Variants in IL34 observed in about 807,000 individuals in gnomAD.
The protein encoded by IL34 is interleukin-34.
Under a neutral mutation model 25.3 loss-of-function variants are expected in IL34, and 17 were observed. That is an observed-to-expected ratio of 0.67 (90% CI 0.46 to 1.01). The LOEUF (loss-of-function observed/expected upper bound fraction) is 1.01. IL34 is among the 50% of genes least tolerant of loss of function. The probability of loss-of-function intolerance (pLI) is 0.00; values close to 1 mark genes in which losing one functional copy is unlikely to be tolerated. For synonymous variants in IL34, 174 were observed against 140.9 expected, an observed-to-expected ratio of 1.23 and a Z score of -1.66; for missense variants, 368 against 312.9, an observed-to-expected ratio of 1.18 and a Z score of -1.33.
intron 1 of IL34, among the ~76,000 whole-genome samples, chr16:70,614,929 G>A (rs1476167142): frequency 2.0e-5 from 3 of 152,176 alleles, no homozygotes; most frequent in African/African-American, 7.2e-5. Context: ...TTTGATTAGA[G>A]AATAAACTCA....
At chr16:70,583,956 G>A (rs1001286223) in intron 1 of IL34, among the ~76,000 whole-genome samples, 4 of 152,044 alleles carry the variant, frequency 2.6e-5, no homozygotes, top group Non-Finnish European at 5.9e-5. Context: ...CTGGCCCAGG[G>A]CAATTAGGCT....
upstream of IL34, among the ~76,000 whole-genome samples, chr16:70,643,798 T>C (rs1370627907): frequency 1.3e-5 from 2 of 149,804 alleles, no homozygotes; most frequent in Non-Finnish European, 2.9e-5. Flanking sequence ...ACGTGGATTC[T>C]ATATGAAATC....
At chr16:70,621,048 A>T (rs958070894) in intron 1 of IL34, among the ~76,000 whole-genome samples, 1 of 152,048 alleles carries the variant, frequency 6.6e-6, no homozygotes. Flanking sequence ...CAGAGATAAG[A>T]GTTTGGGTGT....
intron 1 of IL34, among the ~76,000 whole-genome samples, chr16:70,620,065 G>C (rs188021646): frequency 0.012 from 1,814 of 152,170 alleles, 43 homozygotes; most frequent in African/African-American, 0.041. Context: ...TTCTATTATT[G>C]TACACCTTGA....
At chr16:70,640,605 C>T (rs2051758175) in intron 1 of IL34, among the ~76,000 whole-genome samples, 1 of 138,158 alleles carries the variant, frequency 7.2e-6, no homozygotes, top group African/African-American at 2.9e-5. Context: ...GCCAGGGCGA[C>T]AGAGCAAGAC....
intron 1 of IL34, among the ~76,000 whole-genome samples, chr16:70,612,620 T>G (rs910421486): frequency 1.3e-5 from 2 of 152,244 alleles, no homozygotes; most frequent in Non-Finnish European, 2.9e-5. Flanking sequence ...AAAGTGCTTG[T>G]TAACCCACAT....
At chr16:70,654,271 C>T (rs1344473506) in intron 1 of IL34, 3 of 314,676 alleles carry the variant, frequency 9.5e-6, no homozygotes, top group Non-Finnish European at 1.8e-5. Flanking sequence ...GACCAGACGT[C>T]GACCCTGAGG....
intron 1 of IL34, among the ~76,000 whole-genome samples, chr16:70,624,202 C>T (rs151079690): frequency 0.015 from 2,216 of 152,024 alleles, 67 homozygotes; most frequent in African/African-American, 0.05. Flanking sequence ...TCCCGGGCTG[C>T]CGGCATTCCT....
chr16:70,635,901 G>C (rs1048438626), intron 1 of IL34, among the ~76,000 whole-genome samples: 114 of 152,166 alleles, frequency 7.5e-4, no homozygotes, highest in Middle Eastern at 3.4e-3. Flanking sequence ...ATAGCCCTTT[G>C]AGGTCAGAAT....
At chr16:70,615,410 G>C (rs1329671365) in intron 1 of IL34, among the ~76,000 whole-genome samples, 1 of 152,112 alleles carries the variant, frequency 6.6e-6, no homozygotes. Context: ...AGGAGGTTGA[G>C]GCAGGAGAAT....
chr16:70,646,164 C>T (rs1361423342), upstream of IL34, among the ~76,000 whole-genome samples: 2 of 152,108 alleles, frequency 1.3e-5, no homozygotes, highest in East Asian at 3.9e-4. Context: ...CCCACCTTGG[C>T]CTCCCAAAGT....
chr16:70,620,967 A>T (rs1041462388), intron 1 of IL34, among the ~76,000 whole-genome samples: 16 of 152,246 alleles, frequency 1.1e-4, no homozygotes, highest in African/African-American at 3.6e-4. Flanking sequence ...GACACGGAGA[A>T]GGGGTGGAGG....
chr16:70,635,523 T>G (rs985648622), intron 1 of IL34, among the ~76,000 whole-genome samples: 15 of 152,262 alleles, frequency 9.9e-5, no homozygotes, highest in Admixed American at 9.8e-4. Context: ...GGTCAGAGGT[T>G]GGAGGTCAGA....
intron 1 of IL34, among the ~76,000 whole-genome samples, chr16:70,624,226 A>G (rs2151841265): frequency 6.6e-6 from 1 of 152,044 alleles, no homozygotes; most frequent in South Asian, 2.1e-4. Context: ...CCCAGTGGCC[A>G]GATTTCCGGC....
chr16:70,603,713 G>T, intron 1 of IL34, among the ~76,000 whole-genome samples: 1 of 152,108 alleles, frequency 6.6e-6, no homozygotes, highest in South Asian at 2.1e-4. Flanking sequence ...ACAACTGGGA[G>T]TACACACAGG....
In IL34 at chr16:70,584,095, G is replaced by A. The variant is rs990999005; in HGVS notation, c.-401+4046G>A. On this transcript the variant is annotated intron_variant, in intron 1 of 6. Coordinates refer to the IL34 transcript ENST00000429149. ...CAGCCGTAGGAGGGAGAGACATCTC[G>A]TCCCAGATGGGCAGTGTGGCACTTT... Among the ~76,000 whole-genome samples, 5 of 152,170 alleles carry A rather than the reference G, an allele frequency of 3.3e-5. No homozygotes were observed. In the East Asian group the frequency reaches 7.7e-4, roughly 23 times the overall value.
chr16:70,643,714 A>T (rs1014150774), upstream of IL34, among the ~76,000 whole-genome samples: 16 of 152,236 alleles, frequency 1.1e-4, no homozygotes, highest in Admixed American at 2.6e-4. Flanking sequence ...CATGCAAATT[A>T]TATATTGATT....
chr16:70,640,747 G>A (rs548873787), intron 1 of IL34, among the ~76,000 whole-genome samples: 3 of 151,770 alleles, frequency 2.0e-5, no homozygotes, highest in Non-Finnish European at 2.9e-5. Context: ...TTAAGCATAC[G>A]GTTGGATAAA....
intron 1 of IL34, among the ~76,000 whole-genome samples, chr16:70,635,511 CAGGTCAGAGGTTGG>C (rs2051620949): frequency 1.3e-5 from 2 of 152,282 alleles, no homozygotes; most frequent in East Asian, 1.9e-4. Flanking sequence ...TTGCTAGTCA[CAGGTCAGAGGTTGG>C]AGGTCAGAGG....
Sources: gnomAD v4.1 joint callset for allele counts (sites outside exome capture counted in the v4.1 genomes callset) on GRCh38, gnomAD v4.1.1 for gene constraint, MANE v1.5 for transcripts, NCBI Gene and HGNC (gene_info 2026-07-23, HGNC 2026-07-21) for gene names.